Variants in GRM3 observed in about 807,000 individuals in gnomAD.
GRM3 encodes the protein metabotropic glutamate receptor 3.
A neutral mutation model predicts 70.5 loss-of-function variants in GRM3; 26 were observed. That is an observed-to-expected ratio of 0.37 (90% CI 0.27 to 0.51). The LOEUF is 0.51. GRM3 is among the 20% of genes least tolerant of loss of function. The pLI is 0.93. For synonymous variants in GRM3, 443 were observed against 434.9 expected (o/e 1.02, Z -0.23); for missense variants, 859 against 1,123.8 (o/e 0.76, Z 3.37).
intron 2 of GRM3, among the ~76,000 whole-genome samples, chr7:86,784,017 T>C (rs1321914029): frequency 2.6e-5 from 4 of 152,206 alleles, no homozygotes; most frequent in Non-Finnish European, 5.9e-5. Context: ...TTGGCAATAG[T>C]TGCTGTTTTA....
chr7:86,705,395 A>G (rs1384210227), intron 1 of GRM3, among the ~76,000 whole-genome samples: 1 of 152,022 alleles, frequency 6.6e-6, no homozygotes, highest in Non-Finnish European at 1.5e-5. Context: ...GAACTGAGAG[A>G]GTCATCTCTA....
In GRM3 at chr7:86,786,014, C is replaced by A; in HGVS notation, c.469-247C>A. ...AGAGTATAGAAGAGAGTGTGGTGCC[C>A]TTCTCATTTCTCTACTCTGCCCTTT... On this transcript the variant is annotated intron_variant, in intron 2 of 5. Transcript: ENST00000361669. The surrounding 1 kb of genome is among the most constrained non-coding windows in gnomAD (Gnocchi z 6.0). 1 of 473,562 alleles carries A rather than the reference C, an allele frequency of 2.1e-6. No homozygotes were observed. Among genetic ancestry groups the A allele is most frequent in the Non-Finnish European group, 3.9e-6 (1 of 258,166 alleles). The allele number at this position is 473,562 out of a possible 1,614,324, so 29.3% of individuals were successfully genotyped here. A position where few individuals can be genotyped will look rare whatever the true frequency, so the allele number is the denominator to read the frequency against.
chr7:86,683,783 T>C (rs1404832283), intron 1 of GRM3, among the ~76,000 whole-genome samples: 2 of 152,134 alleles, frequency 1.3e-5, no homozygotes, highest in African/African-American at 4.8e-5. Context: ...AAGTGCCAGG[T>C]GCCTTTAATA....
intron 3 of GRM3, among the ~76,000 whole-genome samples, chr7:86,787,588 C>T (rs937249682): frequency 2.6e-5 from 4 of 151,066 alleles, no homozygotes; most frequent in Non-Finnish European, 5.9e-5. Flanking sequence ...AGTCACTGTT[C>T]TCCCAGAGCA....
At chr7:86,841,079 T>G (rs1196947466) in intron 4 of GRM3, among the ~76,000 whole-genome samples, 1 of 152,204 alleles carries the variant, frequency 6.6e-6, no homozygotes, top group Non-Finnish European at 1.5e-5. Context: ...ATTAGCTCTA[T>G]TTACCCATTC....
intron 1 of GRM3, among the ~76,000 whole-genome samples, chr7:86,756,070 G>C (rs1284143647): frequency 6.6e-6 from 1 of 151,836 alleles, no homozygotes; most frequent in African/African-American, 2.4e-5. Context: ...GCATTTCTTT[G>C]TTTGTTTGTT....
At chr7:86,681,319 G>A (rs1251103739) in intron 1 of GRM3, among the ~76,000 whole-genome samples, 1 of 152,100 alleles carries the variant, frequency 6.6e-6, no homozygotes, top group Non-Finnish European at 1.5e-5. Context: ...TCTCCATACT[G>A]GCCAAGGGGA....
intron 1 of GRM3, among the ~76,000 whole-genome samples, chr7:86,674,142 T>G (rs1294104546): frequency 1.3e-5 from 2 of 152,182 alleles, no homozygotes; most frequent in African/African-American, 4.8e-5. Context: ...CTTAGCTGTG[T>G]GGTACTGGCT....
intron 2 of GRM3, among the ~76,000 whole-genome samples, chr7:86,769,714 G>C (rs924903320): frequency 2.0e-5 from 3 of 152,146 alleles, no homozygotes; most frequent in Non-Finnish European, 4.4e-5. Context: ...TATCACCATT[G>C]ATGAAGAAAC....
intron 1 of GRM3, among the ~76,000 whole-genome samples, chr7:86,700,565 C>G (rs890335752): frequency 1.3e-5 from 2 of 151,872 alleles, no homozygotes; most frequent in Non-Finnish European, 2.9e-5. Flanking sequence ...AATGTGTTTT[C>G]TACCTTCTTT....
intron 1 of GRM3, among the ~76,000 whole-genome samples, chr7:86,732,574 A>G (rs1201796624): frequency 6.6e-6 from 1 of 152,234 alleles, no homozygotes; most frequent in Non-Finnish European, 1.5e-5. Context: ...TTGAGCATTT[A>G]CTATGTGGCA....
At chr7:86,851,729 A>C (rs1798758522) in intron 5 of GRM3, among the ~76,000 whole-genome samples, 2 of 152,132 alleles carry the variant, frequency 1.3e-5, no homozygotes. Context: ...TAGGCTGCAC[A>C]TTCCTGTCTT....
At chr7:86,680,072 T>G (rs1040199048) in intron 1 of GRM3, among the ~76,000 whole-genome samples, 4 of 152,244 alleles carry the variant, frequency 2.6e-5, no homozygotes, top group South Asian at 2.1e-4. Context: ...GTGGTCTGAC[T>G]GTCCTTTGCA....
At chr7:86,826,046 G>C (rs1397913588) in intron 3 of GRM3, among the ~76,000 whole-genome samples, 2 of 150,650 alleles carry the variant, frequency 1.3e-5, no homozygotes, top group Non-Finnish European at 3.0e-5. Flanking sequence ...AGCCAACTTT[G>C]TTTGGGGAAA....
chr7:86,767,514 C>CATATATATATAT (rs3057233), intron 2 of GRM3, among the ~76,000 whole-genome samples: 2 of 100,124 alleles, frequency 2.0e-5, no homozygotes, highest in Admixed American at 1.1e-4. Flanking sequence ...GGTCATACTT[C>CATATATATATAT]ATATATATAT....
At position 86,821,248 on chromosome 7, in the gene GRM3, T is replaced by C. The variant is rs921322000; in HGVS notation, c.1325-17591T>C. On this transcript the variant is annotated intron_variant, in intron 3 of 5. Transcript: ENST00000361669. ...TTTTACTTAGTCTAATTTAGGTAAA[T>C]GAAGTCTGCAATATAAAGAACTGCT... Among the ~76,000 whole-genome samples, 26 of 152,042 alleles carry C rather than the reference T, an allele frequency of 1.7e-4. 1 individual carries two copies. Among genetic ancestry groups the C allele is most frequent in the Admixed American group, 1.4e-3 (22 of 15,264 alleles).
intron 2 of GRM3, among the ~76,000 whole-genome samples, chr7:86,776,535 G>A (rs1257841788): frequency 6.6e-6 from 1 of 151,860 alleles, no homozygotes; most frequent in African/African-American, 2.4e-5. Context: ...ATCATTTAAG[G>A]AAATATTAGG....
At chr7:86,770,501 C>T (rs887706376) in intron 2 of GRM3, among the ~76,000 whole-genome samples, 2 of 152,060 alleles carry the variant, frequency 1.3e-5, no homozygotes, top group Non-Finnish European at 2.9e-5. Flanking sequence ...AGAATAACTC[C>T]TGAAATTAAA....
At chr7:86,663,686 C>T (rs1360054982) in intron 1 of GRM3, among the ~76,000 whole-genome samples, 3 of 151,816 alleles carry the variant, frequency 2.0e-5, no homozygotes, top group African/African-American at 7.3e-5. Flanking sequence ...TTAGATACAT[C>T]GTTAAGAAGT....
Sources: gnomAD v4.1 joint callset for allele counts (sites outside exome capture counted in the v4.1 genomes callset) on GRCh38, gnomAD v4.1.1 for gene constraint, Gnocchi (gnomAD v3.1) non-coding constraint, MANE v1.5 for transcripts, NCBI Gene and HGNC (gene_info 2026-07-23, HGNC 2026-07-21) for gene names.